The following GOLIM4 variants were observed in gnomAD, a reference collection of about 807,000 sequenced individuals.
GOLIM4 encodes the protein 130 kDa golgi-localized phosphoprotein.
GOLIM4 carries 71 observed loss-of-function variants against 107.4 expected under a neutral mutation model. The ratio of observed to expected loss-of-function variants is 0.66; its 90% CI spans 0.55 to 0.81. GOLIM4 has a LOEUF of 0.81. Ranked by LOEUF, GOLIM4 falls within the 30% of genes least tolerant of loss-of-function variation. The pLI, the probability that GOLIM4 is intolerant of heterozygous loss-of-function variation, is 0.00. For synonymous variants in GOLIM4, 327 were observed against 294.8 expected, an observed-to-expected ratio of 1.11 and a Z score of -1.12; for missense variants, 830 against 826.1, an observed-to-expected ratio of 1.00 and a Z score of -0.06.
At chr3:168,089,703 C>T (rs532428901) in intron 1 of GOLIM4, among the ~76,000 whole-genome samples, 1 of 151,918 alleles carries the variant, frequency 6.6e-6, no homozygotes, top group African/African-American at 2.4e-5. Context: ...ATAGGTACTA[C>T]CAGGCACCAG....
At chr3:168,094,119 A>G (rs535669970) in intron 1 of GOLIM4, among the ~76,000 whole-genome samples, 1 of 152,158 alleles carries the variant, frequency 6.6e-6, no homozygotes, top group South Asian at 2.1e-4. Context: ...AAAAGCTTGC[A>G]AAAAAAATAT....
intron 11 of GOLIM4, among the ~76,000 whole-genome samples, chr3:168,028,728 T>C (rs1479499510): frequency 6.6e-6 from 1 of 152,214 alleles, no homozygotes; most frequent in Non-Finnish European, 1.5e-5. Flanking sequence ...TCTTTCTGAC[T>C]TTTTAGAAAA....
chr3:168,052,489 T>A (rs1719710257), intron 1 of GOLIM4, among the ~76,000 whole-genome samples: 2 of 152,184 alleles, frequency 1.3e-5, no homozygotes, highest in East Asian at 1.9e-4. Flanking sequence ...ACTTAAAAAA[T>A]TTCTTTAAAT....
At chr3:168,038,695 T>C (rs1718796813) in intron 7 of GOLIM4, among the ~76,000 whole-genome samples, 1 of 152,212 alleles carries the variant, frequency 6.6e-6, no homozygotes, top group Non-Finnish European at 1.5e-5. Context: ...CCTAAGATGA[T>C]TTACATGAGA....
intron 1 of GOLIM4, among the ~76,000 whole-genome samples, chr3:168,058,743 C>T (rs1317051405): frequency 6.6e-6 from 1 of 152,020 alleles, no homozygotes; most frequent in Non-Finnish European, 1.5e-5. Context: ...TCCTCCTCTT[C>T]CATAAAAAGG....
At chr3:168,088,934 A>C (rs1192247147) in intron 1 of GOLIM4, among the ~76,000 whole-genome samples, 1 of 152,196 alleles carries the variant, frequency 6.6e-6, no homozygotes, top group Non-Finnish European at 1.5e-5. Context: ...CCCAGATAAC[A>C]AGTAATTCTC....
intron 1 of GOLIM4, among the ~76,000 whole-genome samples, chr3:168,078,038 T>C (rs1721156448): frequency 6.6e-6 from 1 of 152,082 alleles, no homozygotes; most frequent in Non-Finnish European, 1.5e-5. Context: ...TAACTAGTAT[T>C]GGGAGGTGAA....
intron 14 of GOLIM4, among the ~76,000 whole-genome samples, chr3:168,011,061 C>G (rs759117404): frequency 6.6e-6 from 1 of 152,222 alleles, no homozygotes; most frequent in Admixed American, 6.5e-5. Flanking sequence ...CGAATAGGAA[C>G]AGCTCCGGTC....
chr3:168,095,498 G>C lies in GOLIM4; in HGVS notation c.-213C>G. ...CATCGACGCCGCCCGGGCAGCTGCA[G>C]CCAAACTTCTGCGAGGCTCGTTCTC... is the stretch of plus-strand genomic sequence containing the variant. On this transcript the variant is annotated 5_prime_UTR_variant, in exon 1 of 16. Coordinates refer to ENST00000470487, the MANE Select transcript of GOLIM4 (RefSeq NM_014498.5). 3.8e-6 allele frequency: 2 copies of C among 520,760 alleles called. No individual in the cohort carries two copies. The highest frequency in any genetic ancestry group is 6.7e-6 in the Non-Finnish European group (2 of 297,690). The allele number at this position is 520,760 out of a possible 1,614,324, so 32.3% of individuals were successfully genotyped here.
chr3:168,034,172 C>A (rs1030883623), intron 8 of GOLIM4, among the ~76,000 whole-genome samples: 7 of 152,200 alleles, frequency 4.6e-5, no homozygotes, highest in Non-Finnish European at 1.0e-4. Flanking sequence ...CCTCACATAT[C>A]TGGCAAGTTT....
At chr3:168,084,394 A>G (rs1721520989) in intron 1 of GOLIM4, among the ~76,000 whole-genome samples, 1 of 152,186 alleles carries the variant, frequency 6.6e-6, no homozygotes, top group Non-Finnish European at 1.5e-5. Flanking sequence ...GTAACCAGTT[A>G]TGATATCGTG....
intron 1 of GOLIM4, among the ~76,000 whole-genome samples, chr3:168,056,616 G>A (rs567487154): frequency 1.5e-3 from 231 of 152,298 alleles, no homozygotes; most frequent in Middle Eastern, 6.8e-3. Flanking sequence ...CCCACCTCTT[G>A]CATCAGCATG....
At chr3:168,054,752 T>C (rs866914921) in intron 1 of GOLIM4, among the ~76,000 whole-genome samples, 1 of 152,158 alleles carries the variant, frequency 6.6e-6, no homozygotes, top group Non-Finnish European at 1.5e-5. Flanking sequence ...AATTACTTTA[T>C]CTCATTATCG....
At chr3:168,027,498 TG>T (rs1223193459) in intron 12 of GOLIM4, among the ~76,000 whole-genome samples, 1 of 150,356 alleles carries the variant, frequency 6.7e-6, no homozygotes, top group East Asian at 1.9e-4. Context: ...ATCCTGGTTT[TG>T]TTTTTTTTTT....
Position 168,029,230 on chromosome 3 carries a change from C to T in GOLIM4, c.1506G>A (p.Glu502=), listed in dbSNP as rs1718171814. Residue 502 remains glutamate (E), a synonymous_variant, in exon 11 of 16, where the codon GAG becomes GAA. Transcript: ENST00000470487. ...QGAEDQGIQG[E]EGAYERDNQH... The stretch of plus-strand genomic sequence containing the variant: ...TCTAGGAAGTCTCACCACCTCCTTC[C>T]TCTCCTTGGATTCCCTGGTCCTCTG... 6.3e-7 allele frequency: 1 copy of T among 1,597,744 alleles called. No individual in the cohort carries two copies. The highest frequency in any genetic ancestry group is 8.6e-7 in the Non-Finnish European group (1 of 1,166,406).
In GOLIM4 at chr3:168,033,748, G is replaced by A. The variant is rs118041185; in HGVS notation, c.844-896C>T. Among the ~76,000 whole-genome samples the A allele has an allele frequency of 1.7e-4, 25 of 149,572 alleles. No homozygotes were observed. In the East Asian group the frequency reaches 4.4e-3, roughly 26 times the overall value. On this transcript the variant is annotated intron_variant, in intron 8 of 15. Coordinates refer to ENST00000470487, the MANE Select transcript of GOLIM4 (RefSeq NM_014498.5). The stretch of plus-strand genomic sequence containing the variant: ...TAAAGTAGTAATTATTTGTAAACCA[G>A]CAGGACTCTTTTGTAAACATTTTTT...
intron 1 of GOLIM4, among the ~76,000 whole-genome samples, chr3:168,068,581 A>T (rs1475120689): frequency 6.6e-6 from 1 of 151,614 alleles, no homozygotes; most frequent in Non-Finnish European, 1.5e-5. Flanking sequence ...GTTTTTTTTT[A>T]ATACTAAAAA....
At chr3:168,065,572 C>T (rs1330398147) in intron 1 of GOLIM4, among the ~76,000 whole-genome samples, 1 of 152,196 alleles carries the variant, frequency 6.6e-6, no homozygotes, top group Non-Finnish European at 1.5e-5. Flanking sequence ...TAAATGCATA[C>T]AACTGCCACT....
rs529202612 is a variant in GOLIM4 at position 168,095,449 on chromosome 3, C to A, written c.-164G>T. 1 of 560,694 alleles carries A rather than the reference C, an allele frequency of 1.8e-6. No homozygotes were observed. Among genetic ancestry groups the A allele is most frequent in the African/African-American group, 2.0e-5 (1 of 49,078 alleles). 34.7% of individuals were successfully genotyped at this position (560,694 alleles called of 1,614,324 possible). On this transcript the variant is annotated 5_prime_UTR_variant, in exon 1 of 16. Transcript: ENST00000470487. ...GAGGGGAAGTGGCGCCCGCTCAGCC[C>A]CCGCGCGGCGCGGGGCGCGCAGCCA... is the stretch of plus-strand genomic sequence containing the variant.
Sources: gnomAD v4.1 joint callset for allele counts (sites outside exome capture counted in the v4.1 genomes callset) on GRCh38, gnomAD v4.1.1 for gene constraint, MANE v1.5 for transcripts, NCBI Gene and HGNC (gene_info 2026-07-23, HGNC 2026-07-21) for gene names.